The following ATG16L1 variants were observed in gnomAD, a reference collection of about 807,000 sequenced individuals.
The protein encoded by ATG16L1 is autophagy-related protein 16-1.
Under a neutral mutation model 88.5 loss-of-function variants are expected in ATG16L1, and 37 were observed. That is an observed-to-expected ratio of 0.42 (90% CI 0.32 to 0.55). The LOEUF is 0.55. Ranked by LOEUF, ATG16L1 falls within the 20% of genes least tolerant of loss-of-function variation. ATG16L1 has a pLI of 0.13. For missense variants in ATG16L1, 554 were observed against 752.8 expected (o/e 0.74, Z 3.09); for synonymous variants, 301 against 281.0 (o/e 1.07, Z -0.71).
At chr2:233,280,551 GA>G (rs1364733314) in intron 10 of ATG16L1, among the ~76,000 whole-genome samples, 2 of 152,122 alleles carry the variant, frequency 1.3e-5, no homozygotes, top group Admixed American at 1.3e-4. Flanking sequence ...GCAAATTCCA[GA>G]AACTCCAAAC....
At chr2:233,288,912 C>T (rs1283359322) in intron 12 of ATG16L1, 1 of 519,016 alleles carries the variant, frequency 1.9e-6, no homozygotes, top group Non-Finnish European at 3.8e-6. Context: ...GTATCTGTGG[C>T]TATGATCTGC....
At chr2:233,265,715 G>A (rs958383768) in intron 5 of ATG16L1, among the ~76,000 whole-genome samples, 2 of 152,060 alleles carry the variant, frequency 1.3e-5, no homozygotes, top group Admixed American at 6.6e-5. Flanking sequence ...GGATCCACCC[G>A]CCTCGGCCTC....
At chr2:233,289,711 G>C in intron 12 of ATG16L1, 143 bp from the exon 13 acceptor site, 6 of 1,106,042 alleles carry the variant, frequency 5.4e-6, no homozygotes, top group Non-Finnish European at 7.8e-6. Flanking sequence ...TTCCTTTGCT[G>C]TCTTATCGCT....
intron 2 of ATG16L1, among the ~76,000 whole-genome samples, chr2:233,256,926 T>A (rs377597014): frequency 1.1e-4 from 16 of 152,298 alleles, no homozygotes; most frequent in East Asian, 7.7e-4. Flanking sequence ...GGTCTCGAAC[T>A]CTTGACCTCA....
At chr2:233,264,154 G>C in intron 4 of ATG16L1, 89 bp downstream of exon 4, 5 of 1,307,956 alleles carry the variant, frequency 3.8e-6, no homozygotes, top group South Asian at 1.2e-5. Context: ...GCCAGTGGCA[G>C]TGAGTGGCCA....
chr2:233,276,323 A>G (rs1304388593), intron 9 of ATG16L1, among the ~76,000 whole-genome samples: 1 of 152,098 alleles, frequency 6.6e-6, no homozygotes, highest in Admixed American at 6.6e-5. Flanking sequence ...CTTCTCTATT[A>G]TAGAAATTTC....
chr2:233,262,348 C>T (rs1697272642), intron 2 of ATG16L1, among the ~76,000 whole-genome samples: 1 of 152,168 alleles, frequency 6.6e-6, no homozygotes, highest in Admixed American at 6.5e-5. Context: ...ATCTGCTCTC[C>T]TTTTAAAACC....
chr2:233,274,692 T>A lies in ATG16L1; in HGVS notation c.868T>A (p.Ser290Thr). The change falls in exon 9 of 18, where the codon TCC (serine) becomes ACC (threonine). Residue 290 changes from serine (S) to threonine (T), a missense_variant. This residue lies in a region of ATG16L1 where 370 missense variants were observed against 509.7 expected (regional missense o/e 0.73). Transcript: ENST00000392017. ...ATTTCTTAGGAGACGCTCTGTCTCT[T>A]CCTTCCCAGTCCCCCAGGACAATGT... ...TNIFGRRSVS[S>T]FPVPQDNVDT... is the part of the protein sequence containing the mutation. 6.2e-7 allele frequency: 1 copy of A among 1,610,234 alleles called. No individual in the cohort carries two copies.
Position 233,251,834 on chromosome 2 carries a change from T to G in ATG16L1, c.7T>G (p.Ser3Ala), listed in dbSNP as rs1574831491. 1 of 1,549,824 alleles carries G rather than the reference T, an allele frequency of 6.5e-7. No homozygotes were observed. The highest frequency in any genetic ancestry group is 8.7e-7 in the Non-Finnish European group (1 of 1,146,882). MS[S>A]GLRAADFPRW... The stretch of plus-strand genomic sequence containing the variant: ...TGCCGGGGCAGCAAGTGACATGTCG[T>G]CGGGCCTCCGCGCCGCTGACTTCCC... Residue 3 changes from serine (S) to alanine (A), a missense_variant, in exon 1 of 18, where the codon TCG becomes GCG. Coordinates refer to ENST00000392017, the MANE Select transcript of ATG16L1 (RefSeq NM_030803.7).
chr2:233,292,048 G>A (rs1699498398), intron 14 of ATG16L1, 80 bp from the exon 15 acceptor site: 1 of 1,532,488 alleles, frequency 6.5e-7, no homozygotes, highest in South Asian at 1.2e-5. Context: ...TTGAATTGCA[G>A]TGCCTTTTTT....
chr2:233,289,565 T>A (rs970432045), intron 12 of ATG16L1, among the ~76,000 whole-genome samples: 2 of 151,992 alleles, frequency 1.3e-5, no homozygotes, highest in Admixed American at 6.6e-5. Context: ...TTTAAAAAAA[T>A]TTTTTTGTAG....
At chr2:233,274,341 A>G (rs1370107961) in intron 8 of ATG16L1, 3 of 466,544 alleles carry the variant, frequency 6.4e-6, no homozygotes, top group Non-Finnish European at 1.1e-5. Flanking sequence ...CCAAAGAGCT[A>G]CCTCTGAGCT....
intron 6 of ATG16L1, among the ~76,000 whole-genome samples, chr2:233,270,614 C>A (rs191025415): frequency 6.6e-6 from 1 of 152,142 alleles, no homozygotes; most frequent in African/African-American, 2.4e-5. Context: ...CCATGTAATG[C>A]GGTGGGGTTT....
chr2:233,273,147 C>A (rs1321528145), intron 7 of ATG16L1, 95 bp downstream of exon 7: 1 of 990,642 alleles, frequency 1.0e-6, no homozygotes, highest in Non-Finnish European at 1.6e-6. Flanking sequence ...CAGATGCACC[C>A]AACCCCTTAC....
Position 233,258,891 on chromosome 2 carries a change from G to T in ATG16L1, c.209+2696G>T, listed in dbSNP as rs984425378. Among the ~76,000 whole-genome samples the T allele has an allele frequency of 6.2e-4, 94 of 151,948 alleles. 1 individual carries two copies. Among genetic ancestry groups the T allele is most frequent in the Admixed American group, 5.2e-4 (8 of 15,244 alleles). On this transcript the variant is annotated intron_variant, in intron 2 of 17. Transcript: ENST00000392017. ...TTTTTTAATTTTTTGTAGAGATAGG[G>T]GTCTCACTGTGTTACCCAGGCTGGT...
chr2:233,273,844 TTTTA>T, intron 8 of ATG16L1, 67 bp downstream of exon 8: 1 of 1,562,086 alleles, frequency 6.4e-7, no homozygotes. Flanking sequence ...CATGACTTAT[TTTTA>T]TTCTTTAAAT....
rs530784857 is a variant in ATG16L1, at chr2:233,285,821, G to A, written c.1203+3068G>A. Reference sequence around the variant, plus strand: ...ACTCACAGACATCCATGCCCTGTTCGGTGTCTCCTTTGCTCTTACGACAAG... The same window carrying A: ...ACTCACAGACATCCATGCCCTGTTCAGTGTCTCCTTTGCTCTTACGACAAG... On this transcript the variant is annotated intron_variant, in intron 12 of 17. Transcript: ENST00000392017. Among the ~76,000 whole-genome samples the A allele has an allele frequency of 5.3e-5, 8 of 152,240 alleles. No individual in the cohort carries two copies. The East Asian group carries it at 1.4e-3, about 26-fold the overall frequency.
At chr2:233,253,791 G>A (rs1014885918) in intron 1 of ATG16L1, among the ~76,000 whole-genome samples, 1 of 152,194 alleles carries the variant, frequency 6.6e-6, no homozygotes, top group Non-Finnish European at 1.5e-5. Context: ...TGTTCTAGGA[G>A]GCCCTGAAGA....
At chr2:233,283,446 A>G (rs909644686) in intron 12 of ATG16L1, among the ~76,000 whole-genome samples, 6 of 148,958 alleles carry the variant, frequency 4.0e-5, no homozygotes, top group Non-Finnish European at 8.9e-5. Flanking sequence ...TGGCATTAGT[A>G]GGCATTTTAC....
Sources: gnomAD v4.1 joint callset for allele counts (sites outside exome capture counted in the v4.1 genomes callset) on GRCh38, gnomAD v4.1.1 for gene constraint, gnomAD v4.1.1 regional missense constraint, MANE v1.5 for transcripts, NCBI Gene and HGNC (gene_info 2026-07-23, HGNC 2026-07-21) for gene names.